Variants in STK31 observed in about 807,000 individuals in gnomAD.
STK31 encodes the protein serine/threonine kinase 31, also known as serine/threonine-protein kinase 31.
STK31 carries 89 observed loss-of-function variants against 129.7 expected under a neutral mutation model. The ratio of observed to expected loss-of-function variants is 0.69; its 90% CI spans 0.58 to 0.82. The LOEUF (loss-of-function observed/expected upper bound fraction) is 0.82. STK31 is among the 40% of genes least tolerant of loss of function. STK31 has a pLI of 0.00. For synonymous variants in STK31, 448 were observed against 395.3 expected, an observed-to-expected ratio of 1.13 and a Z score of -1.58; for missense variants, 1,187 against 1,176.4, an observed-to-expected ratio of 1.01 and a Z score of -0.13.
chr7:23,717,527 C>A lies in STK31; in HGVS notation c.197C>A (p.Ser66Tyr). 2 of 1,613,298 alleles carry A rather than the reference C, an allele frequency of 1.2e-6. No homozygotes were observed. The highest frequency in any genetic ancestry group is 3.3e-5 in the Admixed American group (2 of 59,922). ...ATCATGAAGATTGGTTGCTCACTGT[C>A]TGAAGTTTGCCCCCAGGCCAGTTCA... Reference protein sequence around the residue: ...KDIMKIGCSLSEVCPQASSVL... With the variant: ...KDIMKIGCSLYEVCPQASSVL... Residue 66 changes from serine (S) to tyrosine (Y), a missense_variant, in exon 4 of 24, where the codon TCT (serine) becomes TAT (tyrosine). Physicochemically the swap from Ser to Tyr is moderately radical, Grantham distance 144 (BLOSUM62 -2). This residue lies in a region of STK31 where 104 missense variants were observed against 98.3 expected (regional missense o/e 1.06). Transcript: ENST00000355870.
chr7:23,730,878 A>ATATATATATATATATATATTTTTTTT, intron 6 of STK31, among the ~76,000 whole-genome samples: 2 of 59,550 alleles, frequency 3.4e-5, no homozygotes, highest in Non-Finnish European at 3.3e-5. Context: ...ATATATATAT[A>ATATATATATATATATATATTTTTTTT]TTTTTTTTTT....
At chr7:23,807,262 CTTTAT>C (rs1792768914) in intron 22 of STK31, among the ~76,000 whole-genome samples, 1 of 151,824 alleles carries the variant, frequency 6.6e-6, no homozygotes, top group Non-Finnish European at 1.5e-5. Context: ...TTTTAGTGTC[CTTTAT>C]CTGAGAGCAT....
chr7:23,828,661 GAAATCACCC>G (rs1356572190), intron 23 of STK31, among the ~76,000 whole-genome samples: 1 of 152,224 alleles, frequency 6.6e-6, no homozygotes, highest in African/African-American at 2.4e-5. Context: ...TGGAAATGCA[GAAATCACCC>G]GTCTTCTGCG....
chr7:23,807,786 GA>G (rs1159939502), intron 22 of STK31, among the ~76,000 whole-genome samples: 1 of 151,666 alleles, frequency 6.6e-6, no homozygotes, highest in Non-Finnish European at 1.5e-5. Flanking sequence ...TTCATCTTCA[GA>G]TTCATTAGTG....
At chr7:23,793,531 C>T (rs544939393) in intron 22 of STK31, among the ~76,000 whole-genome samples, 18 of 152,246 alleles carry the variant, frequency 1.2e-4, no homozygotes, top group African/African-American at 4.1e-4. Flanking sequence ...AGAGCTCCTA[C>T]AATCAATACT....
chr7:23,806,919 AAAAG>A (rs1325825044), intron 22 of STK31, among the ~76,000 whole-genome samples: 3 of 151,388 alleles, frequency 2.0e-5, no homozygotes, highest in African/African-American at 7.3e-5. Flanking sequence ...AAAAAAAAAA[AAAAG>A]AGAGATACAG....
intron 23 of STK31, among the ~76,000 whole-genome samples, chr7:23,831,084 G>A (rs1240440500): frequency 6.6e-6 from 1 of 152,168 alleles, no homozygotes; most frequent in Non-Finnish European, 1.5e-5. Flanking sequence ...ATATGCTTAT[G>A]AGAAGTATGT....
In STK31 at chr7:23,736,591, G is replaced by A. The variant is rs112352154; in HGVS notation, c.843-313G>A. Among the ~76,000 whole-genome samples, 56 of 146,342 alleles carry A rather than the reference G, an allele frequency of 3.8e-4. 1 individual carries two copies. The highest frequency in any genetic ancestry group is 2.3e-3 in the Admixed American group (34 of 14,632). On this transcript the variant is annotated intron_variant, in intron 7 of 23. Coordinates refer to ENST00000355870, the MANE Select transcript of STK31 (RefSeq NM_031414.5). Reference sequence around the variant, plus strand: ...CACAGGACGGGGGGATCACGGGGGGGGGATCACAGGAGGGACTGGAAAAAA... The same window carrying A: ...CACAGGACGGGGGGATCACGGGGGGAGGATCACAGGAGGGACTGGAAAAAA...
intron 11 of STK31, among the ~76,000 whole-genome samples, chr7:23,763,213 G>T (rs896421445): frequency 3.9e-5 from 6 of 152,062 alleles, no homozygotes; most frequent in Non-Finnish European, 7.4e-5. Context: ...GGTCCCTATC[G>T]TCCATTGCAT....
chr7:23,832,451 T>C lies in STK31; in HGVS notation c.*85T>C. Reference sequence around the variant, plus strand: ...GAAATATCTAGAAATGTTCTGGGACTAGTTGAGTTGTATCTTTAGTATTCA... The same window carrying C: ...GAAATATCTAGAAATGTTCTGGGACCAGTTGAGTTGTATCTTTAGTATTCA... On this transcript the variant is annotated 3_prime_UTR_variant, in exon 24 of 24. Transcript: ENST00000355870. The C allele has an allele frequency of 1.0e-6, 1 of 965,216 alleles. No homozygotes were observed. The highest frequency in any genetic ancestry group is 1.6e-5 in the South Asian group (1 of 63,198). 59.8% of individuals were successfully genotyped at this position (965,216 alleles called of 1,614,324 possible). A position where few individuals can be genotyped will look rare whatever the true frequency, so the allele number is the denominator to read the frequency against.
At chr7:23,800,614 G>A (rs1317632967) in intron 22 of STK31, among the ~76,000 whole-genome samples, 1 of 152,082 alleles carries the variant, frequency 6.6e-6, no homozygotes, top group Admixed American at 6.6e-5. Flanking sequence ...GGGGGTCTAG[G>A]GGAGGGATAG....
At chr7:23,760,413 G>C (rs1167861984) in intron 10 of STK31, among the ~76,000 whole-genome samples, 1 of 152,140 alleles carries the variant, frequency 6.6e-6, no homozygotes, top group Non-Finnish European at 1.5e-5. Context: ...GTTTGGAGAA[G>C]GGATTTGATT....
chr7:23,730,878 A>ATATTTTTTT, intron 6 of STK31, among the ~76,000 whole-genome samples: 12 of 59,542 alleles, frequency 2.0e-4, no homozygotes, highest in South Asian at 8.2e-4. Flanking sequence ...ATATATATAT[A>ATATTTTTTT]TTTTTTTTTT....
chr7:23,744,052 T>G (rs1788208059), intron 8 of STK31, among the ~76,000 whole-genome samples: 1 of 152,010 alleles, frequency 6.6e-6, no homozygotes, highest in South Asian at 2.1e-4. Flanking sequence ...CCTGAGTAGC[T>G]GGGACTACAG....
At chr7:23,772,375 AAG>A in intron 15 of STK31, 97 bp downstream of exon 15, 1 of 1,244,086 alleles carries the variant, frequency 8.0e-7, no homozygotes, top group East Asian at 2.6e-5. Context: ...TCTTTACAAT[AAG>A]AGAGCCATTA....
intron 10 of STK31, among the ~76,000 whole-genome samples, chr7:23,757,468 A>C (rs1274541846): frequency 1.3e-5 from 2 of 152,122 alleles, no homozygotes; most frequent in Non-Finnish European, 2.9e-5. Context: ...AGTCAGCAGG[A>C]AAACATGTGA....
chr7:23,800,085 CAG>C (rs1479469590), intron 22 of STK31, among the ~76,000 whole-genome samples: 2 of 152,188 alleles, frequency 1.3e-5, no homozygotes, highest in African/African-American at 4.8e-5. Flanking sequence ...CAGGAAACAA[CAG>C]ATGCTGGAGA....
intron 8 of STK31, among the ~76,000 whole-genome samples, chr7:23,740,951 T>C (rs1400511629): frequency 6.6e-6 from 1 of 152,234 alleles, no homozygotes; most frequent in African/African-American, 2.4e-5. Flanking sequence ...TATATGTACA[T>C]GTTTTCAGAA....
At chr7:23,740,227 A>G (rs1584362120) in intron 8 of STK31, among the ~76,000 whole-genome samples, 1 of 152,304 alleles carries the variant, frequency 6.6e-6, no homozygotes, top group African/African-American at 2.4e-5. Context: ...CAGGCGAGCC[A>G]CCATGCCTTG....
Sources: allele counts gnomAD v4.1 joint callset (sites outside exome capture counted in the v4.1 genomes callset), GRCh38; gene constraint gnomAD v4.1.1; regional missense constraint gnomAD v4.1.1; transcripts MANE v1.5; gene names NCBI Gene and HGNC (gene_info 2026-07-23, HGNC 2026-07-21).